The following NHSL1 variants were observed in gnomAD, a reference collection of about 807,000 sequenced individuals.
NHSL1 encodes NHS-like protein 1.
A neutral mutation model predicts 95.0 loss-of-function variants in NHSL1; 48 were observed. The observed-to-expected ratio is 0.51, with a 90% CI of 0.40 to 0.64. The LOEUF is 0.64. NHSL1 is among the 30% of genes least tolerant of loss of function. The pLI is 0.00. For missense variants in NHSL1, 1,971 were observed against 2,077.7 expected, an observed-to-expected ratio of 0.95 and a Z score of 1.00; for synonymous variants, 783 against 833.9, an observed-to-expected ratio of 0.94 and a Z score of 1.05.
intron 1 of NHSL1, among the ~76,000 whole-genome samples, chr6:138,526,458 G>GT (rs1358266378): frequency 6.6e-6 from 1 of 152,132 alleles, no homozygotes; most frequent in African/African-American, 2.4e-5. Context: ...TCCAGCCTGG[G>GT]TGATAGAGTG....
chr6:138,688,953 G>C (rs1207229692), intron 1 of NHSL1, among the ~76,000 whole-genome samples: 1 of 152,094 alleles, frequency 6.6e-6, no homozygotes, highest in Non-Finnish European at 1.5e-5. Context: ...TTTTAGTATT[G>C]TATTTTTGTA....
At chr6:138,559,375 T>C (rs1215041159) in intron 1 of NHSL1, among the ~76,000 whole-genome samples, 1 of 152,190 alleles carries the variant, frequency 6.6e-6, no homozygotes, top group African/African-American at 2.4e-5. Flanking sequence ...AAGGCTCCTG[T>C]TGGCAATCAC....
chr6:138,653,286 T>C (rs1053382181), intron 1 of NHSL1, among the ~76,000 whole-genome samples: 5 of 152,178 alleles, frequency 3.3e-5, no homozygotes, highest in African/African-American at 1.2e-4. Context: ...CCAGGCACGG[T>C]GGCTCAAGCC....
intron 2 of NHSL1, among the ~76,000 whole-genome samples, chr6:138,495,705 G>A (rs2128284583): frequency 6.6e-6 from 1 of 152,274 alleles, no homozygotes; most frequent in Non-Finnish European, 1.5e-5. Flanking sequence ...TTAGGCATGT[G>A]TATTATCCCA....
intron 1 of NHSL1, among the ~76,000 whole-genome samples, chr6:138,542,538 C>T (rs1225068474): frequency 3.9e-5 from 6 of 152,168 alleles, no homozygotes; most frequent in Non-Finnish European, 8.8e-5. Flanking sequence ...ATCACACAAG[C>T]ACATGATTTT....
intron 4 of NHSL1, among the ~76,000 whole-genome samples, chr6:138,443,038 T>C (rs1260938035): frequency 6.7e-6 from 1 of 149,264 alleles, no homozygotes; most frequent in Admixed American, 6.6e-5. Context: ...TATATACACA[T>C]ATATATACAT....
chr6:138,447,974 T>C (rs1776972875), intron 3 of NHSL1, among the ~76,000 whole-genome samples: 1 of 152,220 alleles, frequency 6.6e-6, no homozygotes, highest in African/African-American at 2.4e-5. Context: ...GTTCAACTAT[T>C]TGTGCTCTTC....
chr6:138,645,516 T>C (rs917645850), intron 1 of NHSL1, among the ~76,000 whole-genome samples: 70 of 151,714 alleles, frequency 4.6e-4, no homozygotes, highest in Non-Finnish European at 9.4e-4. Context: ...TTTTCTTTTT[T>C]TTTTTTTTTG....
intron 5 of NHSL1, among the ~76,000 whole-genome samples, chr6:138,440,424 C>T (rs1776455303): frequency 1.3e-5 from 2 of 152,190 alleles, no homozygotes; most frequent in Non-Finnish European, 2.9e-5. Context: ...CTAATAGCAG[C>T]AGCATGTGGG....
chr6:138,596,240 C>A (rs1206311127), intron 1 of NHSL1, among the ~76,000 whole-genome samples: 1 of 152,126 alleles, frequency 6.6e-6, no homozygotes, highest in East Asian at 1.9e-4. Context: ...GACTGAACAA[C>A]GAAGAGGTTA....
At chr6:138,614,371 G>A (rs1250588792) in intron 1 of NHSL1, among the ~76,000 whole-genome samples, 2 of 152,170 alleles carry the variant, frequency 1.3e-5, no homozygotes, top group African/African-American at 4.8e-5. Flanking sequence ...TGATGGCCTC[G>A]TGAAACCATC....
intron 1 of NHSL1, among the ~76,000 whole-genome samples, chr6:138,506,745 T>C (rs1455524485): frequency 6.6e-5 from 10 of 152,192 alleles, no homozygotes; most frequent in Non-Finnish European, 1.5e-5. Flanking sequence ...AATAAAGATT[T>C]ATTCTTCAAC....
chr6:138,600,737 G>C (rs1009252236), intron 1 of NHSL1, among the ~76,000 whole-genome samples: 3 of 151,984 alleles, frequency 2.0e-5, no homozygotes, highest in African/African-American at 7.3e-5. Context: ...ATCCCTATTA[G>C]AGCTTATAGT....
intron 1 of NHSL1, among the ~76,000 whole-genome samples, chr6:138,655,295 G>T (rs528341637): frequency 6.6e-6 from 1 of 152,076 alleles, no homozygotes; most frequent in African/African-American, 2.4e-5. Flanking sequence ...CCCTCTTCCC[G>T]CAGGACTTGT....
rs148454882 is a variant in NHSL1 at position 138,483,788 on chromosome 6, A to T, written c.212-10355T>A. ...CCTAATGGTTTCTAAGCCCTACATG[A>T]TATGGCTCAATGTGGGTGGCTGGCT... On this transcript the variant is annotated intron_variant, in intron 2 of 7. Transcript: ENST00000343505. Among the ~76,000 whole-genome samples, 1,019 of 152,324 alleles carry T rather than the reference A, an allele frequency of 6.7e-3. 11 individuals carry two copies. Among genetic ancestry groups the T allele is most frequent in the African/African-American group, 0.023 (969 of 41,572 alleles).
chr6:138,424,524 C>A lies in NHSL1; in HGVS notation c.4378G>T (p.Ala1460Ser). The change falls in exon 8 of 8, where the codon GCC becomes TCC. Residue 1460 changes from alanine to serine, a missense_variant. Physicochemically the swap from Ala to Ser is moderately conservative, Grantham distance 99. Around this residue, in one of 3 missense-constraint regions of NHSL1, gnomAD observed 223 missense variants for 217.0 expected, o/e 1.03. Coordinates refer to ENST00000343505, the MANE Select transcript of NHSL1 (RefSeq NM_001144060.2). This position sits in a 1 kb window ranked among gnomAD's most constrained non-coding sequence, Gnocchi z 5.9. ...QRSRSEPSPD[A>S]PESPSSCSPS... ...GAGCAGCTTGACGGGCTCTCGGGGGCATCTGGGGAAGGCTCTGACCTCGAC... is the reference window on the plus strand; with the variant it reads ...GAGCAGCTTGACGGGCTCTCGGGGGAATCTGGGGAAGGCTCTGACCTCGAC... 4 of 1,551,690 alleles carry A rather than the reference C, an allele frequency of 2.6e-6. No homozygotes were observed. Among genetic ancestry groups the A allele is most frequent in the Non-Finnish European group, 3.5e-6 (4 of 1,146,982 alleles).
intron 1 of NHSL1, among the ~76,000 whole-genome samples, chr6:138,691,047 C>G (rs907120674): frequency 2.6e-5 from 4 of 152,190 alleles, no homozygotes; most frequent in Admixed American, 2.0e-4. Flanking sequence ...TTCTGGTTCT[C>G]CCACGTACCT....
rs1471700058 is a variant in NHSL1, at chr6:138,431,194, A to G, written c.3151T>C (p.Leu1051=). The part of the protein sequence containing the change: ...SGQPESSRGS[L]RPPSTKEETS... ...TCCTCCTTGGTAGAAGGCGGCCTCA[A>G]GGATCCCCGGGAGGATTCTGGCTGG... is the stretch of plus-strand genomic sequence containing the variant. Residue 1051 remains leucine (L), a synonymous_variant, in exon 6 of 8, where the codon TTG becomes CTG. Coordinates refer to ENST00000343505, the MANE Select transcript of NHSL1 (RefSeq NM_001144060.2). The surrounding 1 kb of genome is among the most constrained non-coding windows in gnomAD (Gnocchi z 4.0). 3.9e-6 allele frequency: 6 copies of G among 1,545,414 alleles called. No homozygotes were observed. The highest frequency in any genetic ancestry group is 2.7e-5 in the African/African-American group (2 of 72,820).
chr6:138,464,859 C>T (rs139869893), intron 3 of NHSL1, among the ~76,000 whole-genome samples: 2,343 of 151,148 alleles, frequency 0.016, 67 homozygotes, highest in African/African-American at 0.054. Context: ...ATTACAGGTG[C>T]GTGCCACCAC....
Sources: allele counts gnomAD v4.1 joint callset (sites outside exome capture counted in the v4.1 genomes callset), GRCh38; gene constraint gnomAD v4.1.1; regional missense constraint gnomAD v4.1.1; non-coding constraint Gnocchi (gnomAD v3.1); transcripts MANE v1.5; gene names NCBI Gene and HGNC (gene_info 2026-07-23, HGNC 2026-07-21).